Variants in MTUS1 observed in about 807,000 individuals in gnomAD.
MTUS1 encodes microtubule associated scaffold protein 1, also known as microtubule-associated tumor suppressor 1.
A neutral mutation model predicts 120.8 loss-of-function variants in MTUS1; 109 were observed. The ratio of observed to expected loss-of-function variants is 0.90; its 90% CI spans 0.77 to 1.06. The LOEUF (loss-of-function observed/expected upper bound fraction) is 1.06. Among genes scored for constraint, MTUS1 ranks in the 50% least tolerant of loss-of-function variants. MTUS1 has a pLI of 0.00. For synonymous variants in MTUS1, 737 were observed against 550.5 expected (o/e 1.34, Z -4.74); for missense variants, 2,210 against 1,486.3 (o/e 1.49, Z -8.01).
rs760769886 is a variant in MTUS1 at position 17,755,786 on chromosome 8, C to G, written c.22G>C (p.Asp8His). 34 of 1,613,170 alleles carry G rather than the reference C, an allele frequency of 2.1e-5. 1 individual carries two copies. The South Asian group carries it at 3.4e-4, about 16-fold the overall frequency. MTDDNSD[D>H]KIEDELQTFF... The stretch of plus-strand genomic sequence containing the variant: ...GTTTGCAATTCATCTTCTATTTTAT[C>G]ATCTGAATTATCATCAGTCATCCTG... The change falls in exon 2 of 15, where the codon GAT becomes CAT. Residue 8 changes from aspartate (D) to histidine (H), a missense_variant. Physicochemically the swap from Asp to His is moderately conservative, Grantham distance 81 (BLOSUM62 -1). Coordinates refer to ENST00000693296, the MANE Select transcript of MTUS1 (RefSeq NM_001363059.2).
At chr8:17,774,130 C>G (rs2050220680) in intron 1 of MTUS1, among the ~76,000 whole-genome samples, 1 of 152,134 alleles carries the variant, frequency 6.6e-6, no homozygotes, top group Admixed American at 6.5e-5. Flanking sequence ...ACTTAAAGCT[C>G]GTTTTCCTAG....
Position 17,669,520 on chromosome 8 carries a change from G to A in MTUS1, c.2905+5666C>T, listed in dbSNP as rs997463737. ...AGTATGTCTGGATTTTTTCCCCCAA[G>A]GCCAAAATAGAGTCTTTTGTGTTTG... is the stretch of plus-strand genomic sequence containing the variant. On this transcript the variant is annotated intron_variant, in intron 8 of 14. Transcript: ENST00000693296. 8.5e-5 allele frequency among the ~76,000 whole-genome samples: 13 copies of A among 152,086 alleles called. 1 individual carries two copies. Among genetic ancestry groups the A allele is most frequent in the African/African-American group, 3.1e-4 (13 of 41,414 alleles).
At chr8:17,647,394 AC>A (rs762174636) in intron 13 of MTUS1, 7 of 232,106 alleles carry the variant, frequency 3.0e-5, no homozygotes, top group Non-Finnish European at 5.0e-5. Context: ...TGTGAAATAA[AC>A]CCTGCAGACA....
In MTUS1 at chr8:17,648,067, T is replaced by G. The variant is rs538808275; in HGVS notation, c.3502-988A>C. ...AGATAAAACAACGTGGAAAAAAACC[T>G]GGAATTTGAGATTGGGAGGTATTGT... On this transcript the variant is annotated intron_variant, in intron 13 of 14. Transcript: ENST00000693296. Among the ~76,000 whole-genome samples, 5 of 152,284 alleles carry G rather than the reference T, an allele frequency of 3.3e-5. No individual in the cohort carries two copies. In the South Asian group the frequency reaches 1.0e-3, roughly 32 times the overall value.
intron 8 of MTUS1, among the ~76,000 whole-genome samples, chr8:17,670,413 A>C (rs1342865748): frequency 6.6e-6 from 1 of 152,184 alleles, no homozygotes; most frequent in East Asian, 1.9e-4. Context: ...TTTAAGGGGT[A>C]AGTGAACGTA....
intron 2 of MTUS1, among the ~76,000 whole-genome samples, chr8:17,750,229 C>G (rs887178662): frequency 2.0e-5 from 3 of 152,166 alleles, no homozygotes; most frequent in African/African-American, 7.2e-5. Flanking sequence ...AGCTGGAGGT[C>G]ATGTTTTGGC....
intron 3 of MTUS1, among the ~76,000 whole-genome samples, chr8:17,739,171 CA>C (rs2047136221): frequency 1.3e-5 from 2 of 151,722 alleles, no homozygotes; most frequent in South Asian, 4.2e-4. Context: ...AACAAACAAA[CA>C]AAAAAACAAA....
intron 3 of MTUS1, among the ~76,000 whole-genome samples, chr8:17,741,419 T>C (rs1586084114): frequency 2.0e-5 from 3 of 152,346 alleles, no homozygotes; most frequent in Admixed American, 2.0e-4. Flanking sequence ...ATTAACTTTG[T>C]TTCCATTCAG....
intron 8 of MTUS1, among the ~76,000 whole-genome samples, chr8:17,672,060 C>A (rs1174191863): frequency 2.0e-5 from 3 of 152,180 alleles, no homozygotes; most frequent in Admixed American, 6.6e-5. Flanking sequence ...TGACTCCACA[C>A]ACCACACTCT....
In MTUS1 at chr8:17,653,460, C is replaced by G. The variant is rs1276716354; in HGVS notation, c.3253G>C (p.Glu1085Gln). ...TCCTGCTTCTCAGAAAGTAAATCTT[C>G]AAGCGATTTCTTTTCTATTTCATGG... ...KGHEIEKKSL[E>Q]DLLSEKQESL... Residue 1085 changes from glutamate to glutamine, a missense_variant, in exon 11 of 15, where the codon GAA becomes CAA. Coordinates refer to ENST00000693296, the MANE Select transcript of MTUS1 (RefSeq NM_001363059.2). 1 of 1,612,610 alleles carries G rather than the reference C, an allele frequency of 6.2e-7. No homozygotes were observed. Among genetic ancestry groups the G allele is most frequent in the African/African-American group, 1.3e-5 (1 of 74,948 alleles).
intron 6 of MTUS1, among the ~76,000 whole-genome samples, chr8:17,690,292 A>C (rs946890185): frequency 6.6e-6 from 1 of 152,248 alleles, no homozygotes; most frequent in African/African-American, 2.4e-5. Flanking sequence ...AATGCTCAAC[A>C]TCACTAATCA....
At chr8:17,728,927 G>T (rs1399759282) in intron 3 of MTUS1, among the ~76,000 whole-genome samples, 1 of 152,116 alleles carries the variant, frequency 6.6e-6, no homozygotes, top group African/African-American at 2.4e-5. Context: ...TTAGAGAAGT[G>T]AGAATTTTAA....
intron 7 of MTUS1, among the ~76,000 whole-genome samples, chr8:17,683,321 C>T (rs558032111): frequency 6.6e-6 from 1 of 152,040 alleles, no homozygotes; most frequent in East Asian, 1.9e-4. Context: ...GTAGTTTCTC[C>T]AAGGCACAGA....
chr8:17,723,471 T>C (rs1485701598), intron 4 of MTUS1: 3 of 637,086 alleles, frequency 4.7e-6, no homozygotes, highest in Non-Finnish European at 8.5e-6. Flanking sequence ...CATGCAAAAA[T>C]ATACTTTAAC....
At chr8:17,680,933 CTTTT>C (rs1278202993) in intron 7 of MTUS1, among the ~76,000 whole-genome samples, 1 of 150,304 alleles carries the variant, frequency 6.7e-6, no homozygotes, top group Non-Finnish European at 1.5e-5. Context: ...ATTTAATTTG[CTTTT>C]TTTCTTTTTT....
At chr8:17,654,697 C>A (rs765936663) in intron 9 of MTUS1, 31 bp from the exon 10 acceptor site, 1 of 1,511,784 alleles carries the variant, frequency 6.6e-7, no homozygotes, top group South Asian at 1.1e-5. Flanking sequence ...CGTGGTTTAA[C>A]AGTAAAACCA....
chr8:17,663,266 G>C (rs996506254), intron 8 of MTUS1, among the ~76,000 whole-genome samples: 3 of 152,166 alleles, frequency 2.0e-5, no homozygotes, highest in Non-Finnish European at 2.9e-5. Context: ...TCTCAGAGGG[G>C]AAGGTCAGAC....
chr8:17,800,730 T>C (rs1344311528), intron 1 of MTUS1: 2 of 152,258 alleles, frequency 1.3e-5, no homozygotes, highest in Non-Finnish European at 2.9e-5. Context: ...CGCTTGCTTC[T>C]GCTGAGAAGG....
At chr8:17,746,798 T>G (rs1563311958) in intron 2 of MTUS1, among the ~76,000 whole-genome samples, 1 of 152,190 alleles carries the variant, frequency 6.6e-6, no homozygotes, top group African/African-American at 2.4e-5. Flanking sequence ...TTAACCCTCA[T>G]AATAATCCTG....
Sources: gnomAD v4.1 joint callset for allele counts (sites outside exome capture counted in the v4.1 genomes callset) on GRCh38, gnomAD v4.1.1 for gene constraint, MANE v1.5 for transcripts, NCBI Gene and HGNC (gene_info 2026-07-23, HGNC 2026-07-21) for gene names.